The following SLC39A8 variants were observed in gnomAD, a reference collection of about 807,000 sequenced individuals.
SLC39A8 encodes the protein metal cation symporter ZIP8.
In SLC39A8, 15 loss-of-function variants were observed where a neutral mutation model predicts 40.4. That is an observed-to-expected ratio of 0.37 (90% CI 0.25 to 0.57). The LOEUF (loss-of-function observed/expected upper bound fraction) is 0.57, where lower values mean the gene tolerates loss of function less well. Among genes scored for constraint, SLC39A8 ranks in the 20% least tolerant of loss-of-function variants. The pLI is 0.75. For missense variants in SLC39A8, 472 were observed against 558.8 expected, an observed-to-expected ratio of 0.84 and a Z score of 1.57; for synonymous variants, 223 against 221.6, an observed-to-expected ratio of 1.01 and a Z score of -0.06.
intron 3 of SLC39A8, among the ~76,000 whole-genome samples, chr4:102,311,006 T>C (rs190265953): frequency 1.3e-5 from 2 of 152,206 alleles, no homozygotes; most frequent in Admixed American, 1.3e-4. Flanking sequence ...AGTGAGGAAA[T>C]ATGGTTCTAT....
intron 6 of SLC39A8, among the ~76,000 whole-genome samples, chr4:102,290,961 C>T (rs1475568613): frequency 3.3e-5 from 5 of 151,916 alleles, no homozygotes; most frequent in African/African-American, 1.2e-4. Flanking sequence ...TTCATTTTTT[C>T]TCTAGAAATG....
intron 6 of SLC39A8, among the ~76,000 whole-genome samples, chr4:102,286,805 C>G (rs1168978448): frequency 6.6e-6 from 1 of 152,146 alleles, no homozygotes; most frequent in Non-Finnish European, 1.5e-5. Flanking sequence ...CAAGGTTTCA[C>G]TATGCGGGCA....
chr4:102,331,674 T>C (rs2149051678), intron 2 of SLC39A8, among the ~76,000 whole-genome samples: 1 of 152,248 alleles, frequency 6.6e-6, no homozygotes, highest in South Asian at 2.1e-4. Context: ...ACTTTAAATT[T>C]CATATGGAAC....
intron 2 of SLC39A8, among the ~76,000 whole-genome samples, chr4:102,326,328 G>A (rs1205874673): frequency 3.3e-5 from 5 of 152,294 alleles, no homozygotes; most frequent in South Asian, 2.1e-4. Flanking sequence ...TTGGGAGGCC[G>A]AGGCGGGCAG....
intron 6 of SLC39A8, among the ~76,000 whole-genome samples, chr4:102,269,146 A>G (rs1732236283): frequency 6.7e-6 from 1 of 150,100 alleles, no homozygotes; most frequent in Admixed American, 6.6e-5. Context: ...ACAAGTCATA[A>G]TATATATGGA....
chr4:102,259,413 C>A, downstream of SLC39A8: 2 of 1,365,524 alleles, frequency 1.5e-6, no homozygotes, highest in South Asian at 1.3e-5. Flanking sequence ...AACTTTAAAA[C>A]ATGCAAGCCC....
intron 8 of SLC39A8, among the ~76,000 whole-genome samples, chr4:102,265,432 C>A (rs551390507): frequency 3.3e-5 from 5 of 152,180 alleles, no homozygotes; most frequent in African/African-American, 1.2e-4. Context: ...TCACTGATCA[C>A]AAATCACTAT....
At chr4:102,305,179 C>T in intron 4 of SLC39A8, 68 bp from the exon 5 acceptor site, 1 of 1,481,710 alleles carries the variant, frequency 6.7e-7, no homozygotes. Flanking sequence ...AAAATAATAC[C>T]AGTATGCAAT....
chr4:102,283,689 C>G (rs901601057), intron 6 of SLC39A8, among the ~76,000 whole-genome samples: 1 of 152,156 alleles, frequency 6.6e-6, no homozygotes, highest in African/African-American at 2.4e-5. Flanking sequence ...CTGACTGACC[C>G]GTTCTTAGTT....
At chr4:102,289,364 G>A (rs60690742) in intron 6 of SLC39A8, among the ~76,000 whole-genome samples, 24,815 of 152,036 alleles carry the variant, frequency 0.16, 2,244 homozygotes, top group South Asian at 0.29. Context: ...GAGCTCTTAC[G>A]GGGATGTACA....
chr4:102,331,624 C>T (rs1172526045), intron 2 of SLC39A8, among the ~76,000 whole-genome samples: 1 of 152,236 alleles, frequency 6.6e-6, no homozygotes, highest in Non-Finnish European at 1.5e-5. Flanking sequence ...CTATCCCCAT[C>T]AAGCTGCCAT....
rs923035573 is a variant in SLC39A8, at chr4:102,337,841, C to T, written c.219+6603G>A. ...TACTATTGTTGCTCAAAATATAGTCCCTTAAAAAAATTCATTATATATGAA... is the reference window on the plus strand; with the variant it reads ...TACTATTGTTGCTCAAAATATAGTCTCTTAAAAAAATTCATTATATATGAA... On this transcript the variant is annotated intron_variant, in intron 2 of 8. Transcript: ENST00000356736. 2.0e-5 allele frequency among the ~76,000 whole-genome samples: 3 copies of T among 152,122 alleles called. No individual in the cohort carries two copies. In the East Asian group the frequency reaches 5.8e-4, roughly 29 times the overall value.
rs3832268 is a variant in SLC39A8 at position 102,315,647 on chromosome 4, G to GA, written c.382+20dup. 7 of 1,570,144 alleles carry GA rather than the reference G, an allele frequency of 4.5e-6. No individual in the cohort carries two copies. In the East Asian group the frequency reaches 6.8e-5, roughly 15 times the overall value. On this transcript the variant is annotated intron_variant, in intron 3 of 8. Coordinates refer to ENST00000356736, the MANE Select transcript of SLC39A8 (RefSeq NM_001135146.2). ...GTTCATAGACTTTTCAAATAAAAGA[G>GA]AAAAAATGCTTCTAATATACCTTCT...
chr4:102,271,415 T>C (rs1040750738), intron 6 of SLC39A8, among the ~76,000 whole-genome samples: 2 of 152,310 alleles, frequency 1.3e-5, no homozygotes, highest in Middle Eastern at 6.8e-3. Context: ...ACCATCCAAA[T>C]GTTTGCTTAA....
intron 3 of SLC39A8, among the ~76,000 whole-genome samples, chr4:102,311,062 T>G (rs1373373240): frequency 6.6e-6 from 1 of 152,068 alleles, no homozygotes; most frequent in East Asian, 1.9e-4. Context: ...GGCTTCAATT[T>G]TTGCCTGGCC....
chr4:102,257,355 G>GT (rs906109703), downstream of SLC39A8, among the ~76,000 whole-genome samples: 28 of 152,062 alleles, frequency 1.8e-4, no homozygotes, highest in Admixed American at 9.8e-4. Flanking sequence ...CATTTTTCTA[G>GT]TAATTTCTTT....
intron 6 of SLC39A8, among the ~76,000 whole-genome samples, chr4:102,287,537 G>A (rs577564871): frequency 3.7e-4 from 56 of 152,004 alleles, no homozygotes; most frequent in African/African-American, 1.1e-3. Flanking sequence ...CCCAATATGC[G>A]CCACTCCATT....
intron 3 of SLC39A8, among the ~76,000 whole-genome samples, chr4:102,313,401 T>A (rs937746540): frequency 2.6e-5 from 4 of 152,132 alleles, no homozygotes; most frequent in African/African-American, 7.2e-5. Flanking sequence ...TTGGCTATCA[T>A]CATTGTTATT....
intron 6 of SLC39A8, among the ~76,000 whole-genome samples, chr4:102,284,328 TA>T (rs1406098392): frequency 6.6e-6 from 1 of 152,214 alleles, no homozygotes. Context: ...AGCTCCTACT[TA>T]TAAGTGCCTG....
Sources: gnomAD v4.1 joint callset for allele counts (sites outside exome capture counted in the v4.1 genomes callset) on GRCh38, gnomAD v4.1.1 for gene constraint, MANE v1.5 for transcripts, NCBI Gene and HGNC (gene_info 2026-07-23, HGNC 2026-07-21) for gene names.